Variants in SH3RF3 observed in about 807,000 individuals in gnomAD.
SH3RF3 encodes E3 ubiquitin-protein ligase SH3RF3.
A neutral mutation model predicts 66.3 loss-of-function variants in SH3RF3; 29 were observed. The observed-to-expected ratio is 0.44, with a 90% CI of 0.33 to 0.60. SH3RF3 has a LOEUF of 0.60. Among genes scored for constraint, SH3RF3 ranks in the 20% least tolerant of loss-of-function variants. SH3RF3 has a pLI of 0.04. For missense variants in SH3RF3, 1,194 were observed against 1,190.9 expected (o/e 1.00, Z -0.04); for synonymous variants, 583 against 532.0 (o/e 1.10, Z -1.32).
Position 109,398,980 on chromosome 2 carries a change from T to G in SH3RF3, c.1299+37T>G, listed in dbSNP as rs780158295. On this transcript the variant is annotated intron_variant, in intron 4 of 9. Transcript: ENST00000309415. ...CGGGCCAGGGCAGGCATCCCTGGGT[T>G]CTCTGGGGTTCTATCCTCAGCTCCG... 5 of 1,563,290 alleles carry G rather than the reference T, an allele frequency of 3.2e-6. No individual in the cohort carries two copies. In the South Asian group the frequency reaches 5.9e-5, roughly 18 times the overall value.
rs1388903472 is a variant in SH3RF3 at position 109,502,354 on chromosome 2, A to G, written c.*683A>G. ...CATATTTTTAACATAAAGCTGTTAGACTTTATATATTTCTAATAGGTCAGA... is the reference window on the plus strand; with the variant it reads ...CATATTTTTAACATAAAGCTGTTAGGCTTTATATATTTCTAATAGGTCAGA... On this transcript the variant is annotated 3_prime_UTR_variant, in exon 10 of 10. Coordinates refer to ENST00000309415, the MANE Select transcript of SH3RF3 (RefSeq NM_001099289.3). 1 of 152,132 alleles carries G rather than the reference A, an allele frequency of 6.6e-6. No individual in the cohort carries two copies. The highest frequency in any genetic ancestry group is 1.5e-5 in the Non-Finnish European group (1 of 68,026). The allele number at this position is 152,132 out of a possible 1,614,324, so 9.4% of individuals were successfully genotyped here.
At chr2:109,419,047 G>A (rs1050840116) in intron 4 of SH3RF3, among the ~76,000 whole-genome samples, 1 of 152,178 alleles carries the variant, frequency 6.6e-6, no homozygotes, top group Non-Finnish European at 1.5e-5. Context: ...GTCTTGGGGG[G>A]AGGGGGGCAC....
At chr2:109,429,149 G>A (rs1677119944) in intron 5 of SH3RF3, among the ~76,000 whole-genome samples, 1 of 152,140 alleles carries the variant, frequency 6.6e-6, no homozygotes, top group Non-Finnish European at 1.5e-5. Flanking sequence ...GGCACAAATT[G>A]CTCTTCAGTG....
chr2:109,493,252 A>G (rs1050937249), intron 9 of SH3RF3, among the ~76,000 whole-genome samples: 6 of 151,520 alleles, frequency 4.0e-5, no homozygotes, highest in Non-Finnish European at 7.4e-5. Flanking sequence ...CGCACCACAC[A>G]CACTGCAAAC....
intron 1 of SH3RF3, among the ~76,000 whole-genome samples, chr2:109,237,236 A>T (rs576118104): frequency 6.6e-6 from 1 of 152,262 alleles, no homozygotes; most frequent in Non-Finnish European, 1.5e-5. Context: ...CAAAGAATGT[A>T]TAGAAATAAG....
At chr2:109,408,873 G>A (rs995512996) in intron 4 of SH3RF3, among the ~76,000 whole-genome samples, 2 of 152,206 alleles carry the variant, frequency 1.3e-5, no homozygotes, top group Admixed American at 6.5e-5. Context: ...GGGGTCCAGG[G>A]CCTTCCTACC....
chr2:109,502,101 G>C lies in SH3RF3; in HGVS notation c.*430G>C, dbSNP rs1403878908. 1.2e-5 allele frequency: 2 copies of C among 172,680 alleles called. No individual in the cohort carries two copies. Among genetic ancestry groups the C allele is most frequent in the Non-Finnish European group, 2.5e-5 (2 of 79,152 alleles). The allele number at this position is 172,680 out of a possible 1,614,324, so 10.7% of individuals were successfully genotyped here. ...AGATCATCTTTCTGGGCTGCCCTGG[G>C]CTTCCCGCGGGGCCCAGGTTGCTCT... On this transcript the variant is annotated 3_prime_UTR_variant, in exon 10 of 10. Transcript: ENST00000309415.
At chr2:109,181,981 C>T (rs1289257799) in intron 1 of SH3RF3, among the ~76,000 whole-genome samples, 1 of 152,106 alleles carries the variant, frequency 6.6e-6, no homozygotes, top group Non-Finnish European at 1.5e-5. Context: ...GTGATGTTTG[C>T]TCATTGCTCA....
Position 109,225,319 on chromosome 2 carries a change from G to A in SH3RF3, c.573+95206G>A, listed in dbSNP as rs547696379. Among the ~76,000 whole-genome samples, 11 of 152,346 alleles carry A rather than the reference G, an allele frequency of 7.2e-5. No individual in the cohort carries two copies. The East Asian group carries it at 2.1e-3, about 29-fold the overall frequency. On this transcript the variant is annotated intron_variant, in intron 1 of 9. Transcript: ENST00000309415. ...CTCAAACCATTGTACTCAGCTGGGT[G>A]GAGAGACCTGCAAGTAACCAAGGGA...
intron 1 of SH3RF3, among the ~76,000 whole-genome samples, chr2:109,143,457 A>C (rs1677014141): frequency 6.6e-6 from 1 of 152,168 alleles, no homozygotes; most frequent in Non-Finnish European, 1.5e-5. Context: ...AAGAAAGTGC[A>C]GTGGGCTGGG....
intron 7 of SH3RF3, among the ~76,000 whole-genome samples, chr2:109,440,063 G>A (rs1316265813): frequency 6.6e-6 from 1 of 152,232 alleles, no homozygotes; most frequent in Non-Finnish European, 1.5e-5. Flanking sequence ...GAGGTTCAGA[G>A]CAGAGGAACC....
intron 1 of SH3RF3, among the ~76,000 whole-genome samples, chr2:109,335,703 T>C (rs1328333705): frequency 1.3e-5 from 2 of 152,208 alleles, no homozygotes; most frequent in Non-Finnish European, 2.9e-5. Flanking sequence ...CTGAGTGTTT[T>C]GTTCACTCCC....
Position 109,482,412 on chromosome 2 carries a change from T to C in SH3RF3, c.2149-8193T>C, listed in dbSNP as rs567442222. 8.5e-5 allele frequency among the ~76,000 whole-genome samples: 13 copies of C among 152,340 alleles called. No homozygotes were observed. In the South Asian group the frequency reaches 2.7e-3, roughly 32 times the overall value. On this transcript the variant is annotated intron_variant, in intron 8 of 9. Coordinates refer to ENST00000309415, the MANE Select transcript of SH3RF3 (RefSeq NM_001099289.3). ...AATACCAGGGACACCCAGCTCCATC[T>C]GTTGCCAAAGCTGTCGCAGCATCAC...
chr2:109,312,355 T>C (rs1378623217), intron 1 of SH3RF3, among the ~76,000 whole-genome samples: 2 of 152,202 alleles, frequency 1.3e-5, no homozygotes, highest in Admixed American at 6.5e-5. Context: ...AACGGGTTTT[T>C]TATTGTGGTA....
chr2:109,452,462 T>C (rs1224428926), intron 8 of SH3RF3, among the ~76,000 whole-genome samples: 1 of 152,234 alleles, frequency 6.6e-6, no homozygotes, highest in Non-Finnish European at 1.5e-5. Context: ...CATCCACTGA[T>C]GCATATACCT....
At chr2:109,172,600 T>A (rs367995327) in intron 1 of SH3RF3, among the ~76,000 whole-genome samples, 2 of 152,172 alleles carry the variant, frequency 1.3e-5, no homozygotes, top group African/African-American at 4.8e-5. Context: ...CCACCCAGGC[T>A]GGTGTTTTGA....
At chr2:109,333,158 G>A (rs986045074) in intron 1 of SH3RF3, among the ~76,000 whole-genome samples, 1 of 152,204 alleles carries the variant, frequency 6.6e-6, no homozygotes, top group Non-Finnish European at 1.5e-5. Context: ...GATCTTGCTC[G>A]CGGCAGCACC....
At chr2:109,255,403 G>T (rs556461301) in intron 1 of SH3RF3, among the ~76,000 whole-genome samples, 1 of 152,256 alleles carries the variant, frequency 6.6e-6, no homozygotes, top group East Asian at 1.9e-4. Context: ...GGAATGTCTG[G>T]GTTGTTCTCA....
intron 8 of SH3RF3, among the ~76,000 whole-genome samples, chr2:109,478,214 G>A (rs775832179): frequency 7.4e-4 from 112 of 152,234 alleles, no homozygotes; most frequent in Non-Finnish European, 1.3e-3. Flanking sequence ...CACACTTCAC[G>A]CTGGCTCCCA....
Sources: allele counts gnomAD v4.1 joint callset (sites outside exome capture counted in the v4.1 genomes callset), GRCh38; gene constraint gnomAD v4.1.1; transcripts MANE v1.5; gene names NCBI Gene and HGNC (gene_info 2026-07-23, HGNC 2026-07-21).